Variants in TMEM132D observed in about 807,000 individuals in gnomAD.
TMEM132D encodes the protein mature OL transmembrane protein.
Under a neutral mutation model 62.3 loss-of-function variants are expected in TMEM132D, and 21 were observed. The ratio of observed to expected loss-of-function variants is 0.34; its 90% CI spans 0.24 to 0.49. TMEM132D has a LOEUF of 0.49. Among genes scored for constraint, TMEM132D ranks in the 20% least tolerant of loss-of-function variants. The probability of loss-of-function intolerance (pLI) is 0.99; values close to 1 mark genes in which losing one functional copy is unlikely to be tolerated. For missense variants in TMEM132D, 1,346 were observed against 1,402.8 expected, an observed-to-expected ratio of 0.96 and a Z score of 0.65; for synonymous variants, 621 against 575.6, an observed-to-expected ratio of 1.08 and a Z score of -1.13.
At chr12:129,189,632 C>T (rs993322146) in intron 5 of TMEM132D, among the ~76,000 whole-genome samples, 1 of 152,164 alleles carries the variant, frequency 6.6e-6, no homozygotes, top group Non-Finnish European at 1.5e-5. Flanking sequence ...CAGGAGAATG[C>T]ACTTCACATT....
chr12:129,271,120 G>A (rs1237332081), intron 4 of TMEM132D, among the ~76,000 whole-genome samples: 1 of 152,126 alleles, frequency 6.6e-6, no homozygotes, highest in Non-Finnish European at 1.5e-5. Flanking sequence ...TAGGTTTTAA[G>A]TAATGTTTGT....
chr12:129,087,536 A>G (rs1874659173), intron 5 of TMEM132D, among the ~76,000 whole-genome samples: 1 of 151,120 alleles, frequency 6.6e-6, no homozygotes, highest in East Asian at 1.9e-4. Flanking sequence ...CTGCAGCGGG[A>G]GAAGAAGGTC....
chr12:129,495,302 G>A (rs1273689020), intron 3 of TMEM132D, among the ~76,000 whole-genome samples: 5 of 152,216 alleles, frequency 3.3e-5, no homozygotes, highest in South Asian at 4.1e-4. Flanking sequence ...GTAGCTATCC[G>A]AGGTCTTCCT....
At chr12:129,464,583 T>G (rs1873817996) in intron 3 of TMEM132D, among the ~76,000 whole-genome samples, 1 of 152,342 alleles carries the variant, frequency 6.6e-6, no homozygotes, top group Non-Finnish European at 1.5e-5. Flanking sequence ...TAGGTTTTCT[T>G]CTAGGGTTTT....
intron 1 of TMEM132D, among the ~76,000 whole-genome samples, chr12:129,836,690 C>T (rs1873017342): frequency 6.6e-6 from 1 of 151,960 alleles, no homozygotes; most frequent in Non-Finnish European, 1.5e-5. Flanking sequence ...AAACATCTCC[C>T]ATGAATCATT....
intron 1 of TMEM132D, among the ~76,000 whole-genome samples, chr12:129,712,533 C>T (rs868429920): frequency 1.3e-5 from 2 of 152,208 alleles, no homozygotes; most frequent in Non-Finnish European, 2.9e-5. Flanking sequence ...CCTGGTGGAG[C>T]TTGCTGCGCT....
At chr12:129,776,081 G>A (rs963121076) in intron 1 of TMEM132D, among the ~76,000 whole-genome samples, 4 of 151,992 alleles carry the variant, frequency 2.6e-5, no homozygotes, top group Admixed American at 6.6e-5. Flanking sequence ...GATTTCAACC[G>A]AATAATTCCA....
At chr12:129,881,175 T>C (rs1331704384) in intron 1 of TMEM132D, among the ~76,000 whole-genome samples, 2 of 152,044 alleles carry the variant, frequency 1.3e-5, no homozygotes, top group Admixed American at 6.6e-5. Context: ...TAAATGTATA[T>C]GCAACTAACG....
At chr12:129,144,917 TCTA>T in intron 5 of TMEM132D, among the ~76,000 whole-genome samples, 1 of 152,034 alleles carries the variant, frequency 6.6e-6, no homozygotes. Context: ...TATCTATCTA[TCTA>T]TCTATCTACC....
At chr12:129,325,810 C>T (rs1208686684) in intron 4 of TMEM132D, among the ~76,000 whole-genome samples, 1 of 152,180 alleles carries the variant, frequency 6.6e-6, no homozygotes, top group East Asian at 1.9e-4. Flanking sequence ...TTCCAGTTCT[C>T]CTTTCAGTTC....
At chr12:129,683,725 T>C (rs1274037956) in intron 2 of TMEM132D, among the ~76,000 whole-genome samples, 1 of 152,146 alleles carries the variant, frequency 6.6e-6, no homozygotes, top group African/African-American at 2.4e-5. Flanking sequence ...CAACCCAGAA[T>C]GTAGTAATGT....
intron 4 of TMEM132D, among the ~76,000 whole-genome samples, chr12:129,286,802 T>A (rs1343405933): frequency 6.6e-6 from 1 of 151,940 alleles, no homozygotes; most frequent in Non-Finnish European, 1.5e-5. Context: ...AATCCCAGCA[T>A]GTCGGGAGGC....
chr12:129,234,140 G>A (rs1879720567), intron 4 of TMEM132D, among the ~76,000 whole-genome samples: 1 of 152,142 alleles, frequency 6.6e-6, no homozygotes, highest in Non-Finnish European at 1.5e-5. Flanking sequence ...AAAAGTGATT[G>A]CAGGAGAAAA....
chr12:129,402,636 T>C (rs1284419631), intron 3 of TMEM132D, among the ~76,000 whole-genome samples: 1 of 152,198 alleles, frequency 6.6e-6, no homozygotes, highest in African/African-American at 2.4e-5. Flanking sequence ...AGTGGCGCAA[T>C]CAGAGCTCAC....
intron 3 of TMEM132D, among the ~76,000 whole-genome samples, chr12:129,415,147 C>G (rs1872079937): frequency 6.6e-6 from 1 of 152,168 alleles, no homozygotes; most frequent in Non-Finnish European, 1.5e-5. Flanking sequence ...GTGGAGGTGT[C>G]CCTTCAGCAT....
At chr12:129,642,458 G>A (rs980492574) in intron 2 of TMEM132D, among the ~76,000 whole-genome samples, 46 of 152,190 alleles carry the variant, frequency 3.0e-4, no homozygotes, top group Admixed American at 9.8e-4. Context: ...ACTCTCTCCT[G>A]CCACCCTGTC....
At chr12:129,895,347 T>A (rs1875073165) in intron 1 of TMEM132D, among the ~76,000 whole-genome samples, 1 of 152,226 alleles carries the variant, frequency 6.6e-6, no homozygotes, top group Non-Finnish European at 1.5e-5. Flanking sequence ...GCTCTGTAGA[T>A]ACTGCCACAC....
At chr12:129,721,632 G>A (rs4759998) in intron 1 of TMEM132D, among the ~76,000 whole-genome samples, 124,929 of 151,992 alleles carry the variant, frequency 0.82, 51,933 homozygotes, top group Non-Finnish European at 0.9. Flanking sequence ...GAGAACCTGG[G>A]GTCCAGGACT....
intron 3 of TMEM132D, among the ~76,000 whole-genome samples, chr12:129,359,513 C>G (rs1403221438): frequency 1.3e-5 from 2 of 151,988 alleles, no homozygotes; most frequent in African/African-American, 2.4e-5. Context: ...TGCGCAGTTC[C>G]TGAACTAAAA....
Sources: gnomAD v4.1 joint callset for allele counts (sites outside exome capture counted in the v4.1 genomes callset) on GRCh38, gnomAD v4.1.1 for gene constraint, MANE v1.5 for transcripts, NCBI Gene and HGNC (gene_info 2026-07-23, HGNC 2026-07-21) for gene names.